Variants in UNC79 observed in about 807,000 individuals in gnomAD.
The protein encoded by UNC79 is unc-79 subunit of NALCN channel complex, also known as protein unc-79 homolog.
Under a neutral mutation model 283.1 loss-of-function variants are expected in UNC79, and 37 were observed. The ratio of observed to expected loss-of-function variants is 0.13; its 90% CI spans 0.10 to 0.17. The LOEUF (loss-of-function observed/expected upper bound fraction) is 0.17. Among genes scored for constraint, UNC79 ranks in the 10% least tolerant of loss-of-function variants. UNC79 has a pLI of 1.00. For missense variants in UNC79, 2,272 were observed against 3,211.1 expected, an observed-to-expected ratio of 0.71 and a Z score of 7.07; for synonymous variants, 1,107 against 1,200.2, an observed-to-expected ratio of 0.92 and a Z score of 1.61.
intron 1 of UNC79, among the ~76,000 whole-genome samples, chr14:93,457,390 A>G (rs1466513504): frequency 6.6e-6 from 1 of 152,256 alleles, no homozygotes; most frequent in Non-Finnish European, 1.5e-5. Flanking sequence ...CATGTAATGC[A>G]GTTTGTGGGA....
chr14:93,431,772 G>T (rs1503963), intron 1 of UNC79, among the ~76,000 whole-genome samples: 96,635 of 151,964 alleles, frequency 0.64, 31,596 homozygotes, highest in Middle Eastern at 0.77. Flanking sequence ...GACTGACTGT[G>T]TGCGTGGTTG....
In UNC79 at chr14:93,626,164, A is replaced by G. The variant is rs371881035; in HGVS notation, c.5608+3323A>G. 1.2e-4 allele frequency among the ~76,000 whole-genome samples: 18 copies of G among 152,306 alleles called. No homozygotes were observed. In the East Asian group the frequency reaches 2.7e-3, roughly 23 times the overall value. ...TAACATATTTTCCTGGTCCATTCACATTTCCAGTCTCCTAAATGACTATTT... is the reference window on the plus strand; with the variant it reads ...TAACATATTTTCCTGGTCCATTCACGTTTCCAGTCTCCTAAATGACTATTT... On this transcript the variant is annotated intron_variant, in intron 30 of 48. Coordinates refer to ENST00000555664, the Ensembl canonical transcript of UNC79.
At chr14:93,480,391 A>C (rs899193488) in intron 4 of UNC79, among the ~76,000 whole-genome samples, 1 of 152,178 alleles carries the variant, frequency 6.6e-6, no homozygotes, top group Admixed American at 6.5e-5. Context: ...TTTAAGTAAC[A>C]TCAATATTAT....
At chr14:93,497,403 A>G in intron 7 of UNC79, 117 bp downstream of exon 7, 2 of 1,308,186 alleles carry the variant, frequency 1.5e-6, no homozygotes, top group Non-Finnish European at 2.0e-6. Context: ...GCCTTTGGAC[A>G]TGGTCATAAA....
intron 14 of UNC79, among the ~76,000 whole-genome samples, chr14:93,555,070 T>C (rs554252470): frequency 6.6e-6 from 1 of 152,326 alleles, no homozygotes; most frequent in Admixed American, 6.5e-5. Context: ...TTTATAATCT[T>C]AAAGCATCTA....
intron 1 of UNC79, among the ~76,000 whole-genome samples, chr14:93,412,334 A>G (rs1202575219): frequency 6.6e-6 from 1 of 152,064 alleles, no homozygotes; most frequent in African/African-American, 2.4e-5. Flanking sequence ...GGCCTTAAAG[A>G]GGAGGTGGAG....
chr14:93,680,679 C>T (rs953971849), intron 41 of UNC79, among the ~76,000 whole-genome samples: 2 of 152,068 alleles, frequency 1.3e-5, no homozygotes, highest in African/African-American at 2.4e-5. Flanking sequence ...CAACCTCTGC[C>T]CCCCAGGTTC....
At chr14:93,462,126 G>C (rs571165845) in intron 1 of UNC79, among the ~76,000 whole-genome samples, 16 of 152,280 alleles carry the variant, frequency 1.1e-4, no homozygotes, top group African/African-American at 3.8e-4. Context: ...GGCCAACATG[G>C]TGAAACCCCG....
intron 47 of UNC79, among the ~76,000 whole-genome samples, chr14:93,700,468 G>A (rs141556078): frequency 4.0e-4 from 61 of 152,178 alleles, no homozygotes; most frequent in African/African-American, 1.4e-3. Context: ...TCTGTTATCT[G>A]TGTCATTTTT....
intron 7 of UNC79, among the ~76,000 whole-genome samples, chr14:93,504,273 C>T (rs79630840): frequency 2.6e-5 from 4 of 151,802 alleles, no homozygotes; most frequent in Admixed American, 6.6e-5. Flanking sequence ...TCCTCCTCCT[C>T]CATTTCTTCC....
chr14:93,634,435 C>A, intron 31 of UNC79, 86 bp from the exon 34 acceptor site: 1 of 961,448 alleles, frequency 1.0e-6, no homozygotes, highest in Non-Finnish European at 1.6e-6. Context: ...AATGAAGGGT[C>A]AATTAAAATT....
intron 9 of UNC79, 110 bp from the exon 10 acceptor site, chr14:93,529,176 A>G: frequency 9.6e-7 from 1 of 1,043,946 alleles, no homozygotes; most frequent in Non-Finnish European, 1.4e-6. Flanking sequence ...TCTTAATTAT[A>G]CTTCCTTTCT....
chr14:93,577,704 G>T, intron 17 of UNC79, 138 bp from the exon 18 acceptor site: 1 of 765,214 alleles, frequency 1.3e-6, no homozygotes, highest in Non-Finnish European at 2.1e-6. Flanking sequence ...CTTAGTATTT[G>T]GAGGTACTAA....
intron 26 of UNC79, 93 bp from the exon 27 acceptor site, chr14:93,604,803 C>T (rs1232278472): frequency 8.1e-7 from 1 of 1,228,126 alleles, no homozygotes; most frequent in South Asian, 2.6e-5. Context: ...TGAAACCTGC[C>T]CCTACTATCC....
At position 93,571,881 on chromosome 14, in the gene UNC79, G is replaced by A. The variant is rs201206080; in HGVS notation, c.1756-13G>A. ...TTCATTCTTTTCCCCTGTGGCTATG[G>A]AAACCTCTTCAGGTTGGTGGCTACT... On this transcript the variant is annotated splice_polypyrimidine_tract_variant and intron_variant, in intron 14 of 48. Transcript: ENST00000555664. 103 of 1,613,708 alleles carry A rather than the reference G, an allele frequency of 6.4e-5. No individual in the cohort carries two copies. The highest frequency in any genetic ancestry group is 1.3e-4 in the Admixed American group (8 of 59,998).
At chr14:93,475,858 G>T (rs1166994055) in intron 3 of UNC79, among the ~76,000 whole-genome samples, 1 of 152,146 alleles carries the variant, frequency 6.6e-6, no homozygotes, top group Non-Finnish European at 1.5e-5. Flanking sequence ...GAGATGATTT[G>T]TATTTTTGCT....
At chr14:93,544,679 G>A (rs1342432367) in intron 14 of UNC79, among the ~76,000 whole-genome samples, 1 of 152,162 alleles carries the variant, frequency 6.6e-6, no homozygotes, top group Non-Finnish European at 1.5e-5. Flanking sequence ...AAATTGTGAG[G>A]TAAGAGATCT....
chr14:93,445,507 T>C (rs2056435950), intron 1 of UNC79, among the ~76,000 whole-genome samples: 1 of 152,230 alleles, frequency 6.6e-6, no homozygotes, highest in Non-Finnish European at 1.5e-5. Context: ...GATTCAGTTT[T>C]CTAATGTTTA....
At chr14:93,605,005 A>G in intron 26 of UNC79, 44 bp downstream of exon 27, 1 of 1,538,064 alleles carries the variant, frequency 6.5e-7, no homozygotes, top group Non-Finnish European at 8.7e-7. Context: ...AGTGTCTATC[A>G]CAGGTGGACA....
Sources: gnomAD v4.1 joint callset for allele counts (sites outside exome capture counted in the v4.1 genomes callset) on GRCh38, gnomAD v4.1.1 for gene constraint, MANE v1.5 for transcripts, NCBI Gene and HGNC (gene_info 2026-07-23, HGNC 2026-07-21) for gene names.